Variants in ROBO2 observed in about 807,000 individuals in gnomAD.
ROBO2 encodes roundabout homolog 2.
Under a neutral mutation model 160.8 loss-of-function variants are expected in ROBO2, and 53 were observed. The ratio of observed to expected loss-of-function variants is 0.33; its 90% CI spans 0.26 to 0.41. ROBO2 has a LOEUF of 0.41. ROBO2 is among the 10% of genes least tolerant of loss of function. The pLI is 1.00. For missense variants in ROBO2, 1,577 were observed against 1,722.4 expected, an observed-to-expected ratio of 0.92 and a Z score of 1.49; for synonymous variants, 664 against 611.7, an observed-to-expected ratio of 1.09 and a Z score of -1.26.
At chr3:77,098,914 G>T (rs1034237787) in intron 2 of ROBO2, among the ~76,000 whole-genome samples, 2 of 151,494 alleles carry the variant, frequency 1.3e-5, no homozygotes, top group African/African-American at 4.9e-5. Flanking sequence ...GCACTCTTCA[G>T]CTTCCTTGTT....
chr3:77,517,174 T>A (rs1477640567), intron 5 of ROBO2, among the ~76,000 whole-genome samples: 1 of 151,776 alleles, frequency 6.6e-6, no homozygotes, highest in East Asian at 1.9e-4. Context: ...AGTAATTTTT[T>A]AAAAGTAACT....
At chr3:77,608,003 C>T (rs1336604526) in intron 21 of ROBO2, 49 bp downstream of exon 22, 4 of 1,591,542 alleles carry the variant, frequency 2.5e-6, no homozygotes, top group Non-Finnish European at 2.6e-6. Flanking sequence ...CTCCTCTCCT[C>T]TCTGTTGTTC....
chr3:77,493,195 T>G, intron 4 of ROBO2, 49 bp from the exon 5 acceptor site: 1 of 1,592,876 alleles, frequency 6.3e-7, no homozygotes, highest in Non-Finnish European at 8.6e-7. Context: ...ACTTAAAGCA[T>G]GCATAATAGT....
rs747676949 is a variant in ROBO2, at chr3:77,003,498, C to T, written c.110-94516C>T. 3.1e-4 allele frequency among the ~76,000 whole-genome samples: 47 copies of T among 152,268 alleles called. 1 individual carries two copies. In the Middle Eastern group the frequency reaches 0.01, roughly 33 times the overall value. ...TTTTTTCCCATGCCTTTCTTCACGG[C>T]CACTTCTCTACTCAGTTTAGACTGA... On this transcript the variant is annotated intron_variant, in intron 2 of 26. Transcript: ENST00000487694.
chr3:76,017,545 A>G (rs1032298171), intron 2 of ROBO2, among the ~76,000 whole-genome samples: 1 of 152,156 alleles, frequency 6.6e-6, no homozygotes, highest in Non-Finnish European at 1.5e-5. Flanking sequence ...GTAGGCAAAT[A>G]TTAGATGATA....
chr3:76,018,087 A>G (rs1439474365), intron 2 of ROBO2, among the ~76,000 whole-genome samples: 1 of 152,026 alleles, frequency 6.6e-6, no homozygotes, highest in East Asian at 1.9e-4. Context: ...TATGCTTTGA[A>G]ATACTATTAG....
At chr3:76,991,080 C>CT (rs900287337) in intron 2 of ROBO2, among the ~76,000 whole-genome samples, 15 of 152,118 alleles carry the variant, frequency 9.9e-5, no homozygotes, top group Admixed American at 6.6e-4. Context: ...GTGTACTTAA[C>CT]TTTCTTTTCA....
Position 76,120,342 on chromosome 3 carries a change from C to G in ROBO2, c.109+182740C>G, listed in dbSNP as rs2070698345. ...ATGTTAATCTTTATTGCTGTCAGAT[C>G]ACAGGTTGTGAGTGGTAGGGCAAGG... is the stretch of plus-strand genomic sequence containing the variant. On this transcript the variant is annotated intron_variant, in intron 2 of 26. Coordinates refer to the ROBO2 transcript ENST00000487694. Among the ~76,000 whole-genome samples, 4 of 151,886 alleles carry G rather than the reference C, an allele frequency of 2.6e-5. No homozygotes were observed. The South Asian group carries it at 8.3e-4, about 32-fold the overall frequency.
intron 2 of ROBO2, among the ~76,000 whole-genome samples, chr3:76,923,514 C>T (rs553738847): frequency 1.3e-5 from 2 of 152,318 alleles, no homozygotes; most frequent in South Asian, 4.2e-4. Context: ...CATCCAAACT[C>T]AGTGAACTGA....
At chr3:77,472,978 AT>A (rs2083506016) in intron 2 of ROBO2, among the ~76,000 whole-genome samples, 1 of 152,124 alleles carries the variant, frequency 6.6e-6, no homozygotes, top group South Asian at 2.1e-4. Context: ...AATCAAGGAC[AT>A]GGACACACAA....
chr3:77,328,336 C>G lies in ROBO2; in HGVS notation c.389-149078C>G, dbSNP rs539574686. ...AATAAAGTTTAGGCCAAATTGTGAACGGAATTATATTTTAAGACACAGAAC... is the reference window on the plus strand; with the variant it reads ...AATAAAGTTTAGGCCAAATTGTGAAGGGAATTATATTTTAAGACACAGAAC... On this transcript the variant is annotated intron_variant, in intron 2 of 25. Coordinates refer to ENST00000461745, the Ensembl canonical transcript of ROBO2. 7.5e-4 allele frequency among the ~76,000 whole-genome samples: 114 copies of G among 152,164 alleles called. 1 individual carries two copies. Among genetic ancestry groups the G allele is most frequent in the Admixed American group, 3.3e-4 (5 of 15,276 alleles).
chr3:76,824,087 T>C (rs1369596820), intron 2 of ROBO2, among the ~76,000 whole-genome samples: 1 of 152,198 alleles, frequency 6.6e-6, no homozygotes, highest in East Asian at 1.9e-4. Flanking sequence ...CGTTGTCTTC[T>C]GCATGGTCAA....
intron 2 of ROBO2, among the ~76,000 whole-genome samples, chr3:76,197,234 G>T (rs1702302396): frequency 6.7e-6 from 1 of 148,462 alleles, no homozygotes; most frequent in South Asian, 2.1e-4. Flanking sequence ...CTCCTTTTGG[G>T]GAGTGATAAT....
intron 1 of ROBO2, among the ~76,000 whole-genome samples, chr3:77,044,264 A>G (rs936382272): frequency 3.3e-5 from 5 of 152,104 alleles, no homozygotes; most frequent in African/African-American, 1.2e-4. Flanking sequence ...AAAAATATAG[A>G]TATGTAAGCA....
chr3:77,395,847 T>C (rs2075228458), intron 2 of ROBO2, among the ~76,000 whole-genome samples: 1 of 152,088 alleles, frequency 6.6e-6, no homozygotes, highest in South Asian at 2.1e-4. Context: ...TAGCGTCTTG[T>C]ATACTTCTTT....
intron 2 of ROBO2, among the ~76,000 whole-genome samples, chr3:77,208,114 A>C (rs1018131126): frequency 6.6e-5 from 10 of 152,116 alleles, no homozygotes; most frequent in African/African-American, 2.4e-4. Context: ...TGTGATTCTA[A>C]ACCATTTGAC....
intron 2 of ROBO2, among the ~76,000 whole-genome samples, chr3:75,957,880 T>C (rs923611971): frequency 2.0e-4 from 31 of 151,746 alleles, no homozygotes; most frequent in Admixed American, 2.6e-4. Flanking sequence ...TTCAGTTATA[T>C]ACTGTACAAA....
At chr3:77,518,225 T>G (rs1216460830) in intron 5 of ROBO2, among the ~76,000 whole-genome samples, 2 of 151,506 alleles carry the variant, frequency 1.3e-5, no homozygotes, top group Admixed American at 1.3e-4. Flanking sequence ...GAGGACTGAT[T>G]GGTTGCATGC....
intron 2 of ROBO2, among the ~76,000 whole-genome samples, chr3:76,567,646 TATATATACACATACAC>T (rs1170836790): frequency 1.1e-5 from 1 of 94,850 alleles, no homozygotes; most frequent in Non-Finnish European, 2.1e-5. Context: ...TATATATATA[TATATATACACATACAC>T]ATATATATAC....
Sources: gnomAD v4.1 joint callset for allele counts (sites outside exome capture counted in the v4.1 genomes callset) on GRCh38, gnomAD v4.1.1 for gene constraint, MANE v1.5 for transcripts, NCBI Gene and HGNC (gene_info 2026-07-23, HGNC 2026-07-21) for gene names.